The following TMEM117 variants were observed in gnomAD, a reference collection of about 807,000 sequenced individuals.
TMEM117 encodes transmembrane protein 117.
A neutral mutation model predicts 52.4 loss-of-function variants in TMEM117; 27 were observed. The ratio of observed to expected loss-of-function variants is 0.51; its 90% CI spans 0.38 to 0.71. The LOEUF (loss-of-function observed/expected upper bound fraction) is 0.71, where lower values mean the gene tolerates loss of function less well. TMEM117 is among the 30% of genes least tolerant of loss of function. The probability of loss-of-function intolerance (pLI) is 0.00; values close to 1 mark genes in which losing one functional copy is unlikely to be tolerated. For synonymous variants in TMEM117, 215 were observed against 206.3 expected, an observed-to-expected ratio of 1.04 and a Z score of -0.36; for missense variants, 556 against 630.5, an observed-to-expected ratio of 0.88 and a Z score of 1.26.
chr12:44,180,490 C>T (rs533678225), intron 4 of TMEM117, among the ~76,000 whole-genome samples: 24 of 142,742 alleles, frequency 1.7e-4, no homozygotes, highest in African/African-American at 6.2e-4. Flanking sequence ...TCTCCCAATC[C>T]TATCCCTCCC....
chr12:44,355,828 T>C (rs1951640218), intron 6 of TMEM117, among the ~76,000 whole-genome samples: 1 of 152,060 alleles, frequency 6.6e-6, no homozygotes, highest in Non-Finnish European at 1.5e-5. Context: ...AGCAGCCTAC[T>C]ACCTGACCCA....
chr12:44,311,956 GA>G (rs1269299891), intron 6 of TMEM117, among the ~76,000 whole-genome samples: 1 of 148,710 alleles, frequency 6.7e-6, no homozygotes, highest in Admixed American at 6.7e-5. Flanking sequence ...TTTGGCATTT[GA>G]TGGCCAGGTC....
At chr12:44,254,506 A>T (rs1950234359) in intron 5 of TMEM117, among the ~76,000 whole-genome samples, 1 of 152,060 alleles carries the variant, frequency 6.6e-6, no homozygotes, top group Non-Finnish European at 1.5e-5. Flanking sequence ...AAAAGTAAAC[A>T]TTCTCATACT....
At chr12:43,798,093 T>G in the TMEM117 span, among the ~76,000 whole-genome samples, 3 of 152,162 alleles carry the variant, frequency 2.0e-5, no homozygotes, top group Non-Finnish European at 4.4e-5. Context: ...TTTTTATGTT[T>G]GGTTTGGCAC....
chr12:44,063,088 C>T (rs542003774), intron 3 of TMEM117, among the ~76,000 whole-genome samples: 44 of 152,276 alleles, frequency 2.9e-4, no homozygotes, highest in African/African-American at 1.1e-3. Context: ...AAACAACACC[C>T]TCCCTCCTCC....
At chr12:44,392,024 T>G (rs1041992458), downstream of TMEM117, among the ~76,000 whole-genome samples, 5 of 152,156 alleles carry the variant, frequency 3.3e-5, no homozygotes, top group Non-Finnish European at 7.4e-5. Flanking sequence ...ACTGGCACTT[T>G]CCTCATTTAT....
chr12:44,174,076 A>G (rs1360468507), intron 4 of TMEM117, among the ~76,000 whole-genome samples: 1 of 152,162 alleles, frequency 6.6e-6, no homozygotes, highest in Non-Finnish European at 1.5e-5. Context: ...TTTTAACCAT[A>G]TTAATTTAAC....
At chr12:43,996,609 C>T (rs1043416515) in intron 3 of TMEM117, among the ~76,000 whole-genome samples, 1 of 151,432 alleles carries the variant, frequency 6.6e-6, no homozygotes, top group African/African-American at 2.4e-5. Flanking sequence ...CGCCACTGCA[C>T]TCCAGCCTGG....
intron 2 of TMEM117, among the ~76,000 whole-genome samples, chr12:43,894,662 C>T (rs777354153): frequency 6.6e-6 from 1 of 151,910 alleles, no homozygotes; most frequent in Non-Finnish European, 1.5e-5. Flanking sequence ...TTTTCTGTTC[C>T]TGCATTAGTT....
At chr12:44,218,244 C>A (rs1451689537) in intron 5 of TMEM117, among the ~76,000 whole-genome samples, 4 of 150,828 alleles carry the variant, frequency 2.7e-5, no homozygotes, top group African/African-American at 4.9e-5. Flanking sequence ...AAACAAAAAA[C>A]TAGCAAACCA....
intron 5 of TMEM117, among the ~76,000 whole-genome samples, chr12:44,276,000 A>T (rs768583713): frequency 6.6e-6 from 1 of 152,176 alleles, no homozygotes; most frequent in Non-Finnish European, 1.5e-5. Context: ...GGATAGTTCA[A>T]TTTTTATGAT....
At chr12:43,806,761 G>A in the TMEM117 span, among the ~76,000 whole-genome samples, 1 of 152,248 alleles carries the variant, frequency 6.6e-6, no homozygotes, top group Admixed American at 6.5e-5. Flanking sequence ...CCATTGTTTT[G>A]AAAGAATTAA....
chr12:43,940,740 C>A (rs138061197), intron 2 of TMEM117, among the ~76,000 whole-genome samples: 1 of 152,160 alleles, frequency 6.6e-6, no homozygotes, highest in Admixed American at 6.5e-5. Context: ...AACCGGGTTT[C>A]ACCATGTTAG....
chr12:43,930,956 A>G (rs1012196506), intron 2 of TMEM117, among the ~76,000 whole-genome samples: 1 of 152,174 alleles, frequency 6.6e-6, no homozygotes, highest in Non-Finnish European at 1.5e-5. Context: ...GCTATTTCAT[A>G]TGTCAGAGTA....
chr12:44,290,505 A>G (rs760355053), intron 5 of TMEM117, among the ~76,000 whole-genome samples: 1 of 152,148 alleles, frequency 6.6e-6, no homozygotes, highest in Non-Finnish European at 1.5e-5. Flanking sequence ...TTGACTGTCT[A>G]TGTATGGGTT....
At chr12:44,030,682 G>A (rs896249109) in intron 3 of TMEM117, among the ~76,000 whole-genome samples, 1 of 152,174 alleles carries the variant, frequency 6.6e-6, no homozygotes, top group African/African-American at 2.4e-5. Context: ...TTGGAACGCT[G>A]AGCTTGTGGC....
intron 6 of TMEM117, among the ~76,000 whole-genome samples, chr12:44,338,119 G>A (rs1951366509): frequency 6.6e-6 from 1 of 151,864 alleles, no homozygotes; most frequent in South Asian, 2.1e-4. Flanking sequence ...TTTAAAAACA[G>A]ACCTTGACCC....
intron 5 of TMEM117, among the ~76,000 whole-genome samples, chr12:44,286,570 C>T (rs1284146338): frequency 6.6e-6 from 1 of 152,012 alleles, no homozygotes; most frequent in Non-Finnish European, 1.5e-5. Context: ...AGGCTGACTA[C>T]TCAAGAAGTC....
In TMEM117 at chr12:43,848,729, A is replaced by G. The variant is rs568160102; in HGVS notation, c.277+3801A>G. ...ACATACATCCTCAGCTTACGAAGATAACAGGATTAAGAGATTAAAGACGGG... is the reference window on the plus strand; with the variant it reads ...ACATACATCCTCAGCTTACGAAGATGACAGGATTAAGAGATTAAAGACGGG... On this transcript the variant is annotated intron_variant, in intron 2 of 7. Coordinates refer to ENST00000266534, the MANE Select transcript of TMEM117 (RefSeq NM_032256.3). 2.0e-5 allele frequency among the ~76,000 whole-genome samples: 3 copies of G among 152,342 alleles called. No individual in the cohort carries two copies. In the South Asian group the frequency reaches 6.2e-4, roughly 32 times the overall value.
Sources: gnomAD v4.1 joint callset for allele counts (sites outside exome capture counted in the v4.1 genomes callset) on GRCh38, gnomAD v4.1.1 for gene constraint, MANE v1.5 for transcripts, NCBI Gene and HGNC (gene_info 2026-07-23, HGNC 2026-07-21) for gene names.